The following PKNOX2 variants were observed in gnomAD, a reference collection of about 807,000 sequenced individuals.
PKNOX2 encodes homeobox protein PKNOX2.
In PKNOX2, 14 loss-of-function variants were observed where a neutral mutation model predicts 53.1. The ratio of observed to expected loss-of-function variants is 0.26; its 90% CI spans 0.17 to 0.41. The LOEUF is 0.41. PKNOX2 is among the 10% of genes least tolerant of loss of function. PKNOX2 has a pLI of 1.00. For missense variants in PKNOX2, 496 were observed against 602.8 expected, an observed-to-expected ratio of 0.82 and a Z score of 1.85; for synonymous variants, 257 against 242.8, an observed-to-expected ratio of 1.06 and a Z score of -0.54.
intron 2 of PKNOX2, among the ~76,000 whole-genome samples, chr11:125,265,830 G>T (rs934637593): frequency 1.3e-5 from 2 of 152,172 alleles, no homozygotes; most frequent in Non-Finnish European, 2.9e-5. Flanking sequence ...CCTGAAGGGG[G>T]GAGCTTAAAG....
chr11:125,187,835 T>A (rs1956551611), intron 1 of PKNOX2, among the ~76,000 whole-genome samples: 1 of 152,228 alleles, frequency 6.6e-6, no homozygotes, highest in African/African-American at 2.4e-5. Flanking sequence ...CCTAGCGGCC[T>A]GGGCCAGGTG....
intron 2 of PKNOX2, among the ~76,000 whole-genome samples, chr11:125,323,638 C>CTA (rs1329740367): frequency 6.6e-6 from 1 of 152,194 alleles, no homozygotes; most frequent in Non-Finnish European, 1.5e-5. Flanking sequence ...CTCTGCGTTC[C>CTA]TTAATAACGA....
At chr11:125,266,060 A>G (rs1460466263) in intron 2 of PKNOX2, among the ~76,000 whole-genome samples, 1 of 152,146 alleles carries the variant, frequency 6.6e-6, no homozygotes, top group Non-Finnish European at 1.5e-5. Flanking sequence ...CTTCACCCCT[A>G]TGCACACTTA....
At chr11:125,246,607 G>C (rs1262457761) in intron 2 of PKNOX2, among the ~76,000 whole-genome samples, 2 of 152,146 alleles carry the variant, frequency 1.3e-5, no homozygotes, top group African/African-American at 4.8e-5. Flanking sequence ...AATGTCTGCT[G>C]TCCCACTTCC....
chr11:125,276,388 G>A (rs1405144830), intron 2 of PKNOX2, among the ~76,000 whole-genome samples: 3 of 152,208 alleles, frequency 2.0e-5, no homozygotes, highest in African/African-American at 7.2e-5. Context: ...AGGATGATAT[G>A]GAGGTATGTT....
At chr11:125,258,077 C>T (rs1315124766) in intron 2 of PKNOX2, among the ~76,000 whole-genome samples, 2 of 152,170 alleles carry the variant, frequency 1.3e-5, no homozygotes, top group African/African-American at 2.4e-5. Flanking sequence ...CCCCTACTGC[C>T]TTATTGTCAG....
intron 1 of PKNOX2, among the ~76,000 whole-genome samples, chr11:125,178,585 G>GAAA (rs1955877925): frequency 3.0e-5 from 1 of 33,218 alleles, no homozygotes; most frequent in African/African-American, 1.8e-4. Flanking sequence ...AAGGAAGGAA[G>GAAA]GAAGGAAGGA....
chr11:125,213,886 GT>G (rs1335672839), intron 1 of PKNOX2, among the ~76,000 whole-genome samples: 3 of 152,110 alleles, frequency 2.0e-5, no homozygotes, highest in South Asian at 4.2e-4. Flanking sequence ...TATGTGGAAA[GT>G]AAAGACAAGG....
In PKNOX2 at chr11:125,368,687, G is replaced by A. The variant is rs113530898; in HGVS notation, c.227+702G>A. Among the ~76,000 whole-genome samples the A allele has an allele frequency of 6.2e-4, 95 of 152,316 alleles. 1 individual carries two copies. The highest frequency in any genetic ancestry group is 1.9e-3 in the African/African-American group (77 of 41,572). ...TCTTCTTGTTCTGCATCTGCCCCAC[G>A]CATCCAGGGCTGAGTCTTGAATGTT... is the stretch of plus-strand genomic sequence containing the variant. On this transcript the variant is annotated intron_variant, in intron 5 of 12. Transcript: ENST00000298282.
intron 5 of PKNOX2, among the ~76,000 whole-genome samples, chr11:125,374,244 A>G (rs1392920386): frequency 1.3e-5 from 2 of 152,118 alleles, no homozygotes; most frequent in Non-Finnish European, 2.9e-5. Context: ...TGTGGGAGAC[A>G]TGCAGCCATT....
chr11:125,279,847 A>T (rs562688069), intron 2 of PKNOX2, among the ~76,000 whole-genome samples: 5 of 152,320 alleles, frequency 3.3e-5, no homozygotes, highest in African/African-American at 9.6e-5. Flanking sequence ...ATACATTTCC[A>T]TGCAGCATTT....
intron 1 of PKNOX2, among the ~76,000 whole-genome samples, chr11:125,176,707 G>C (rs78510879): frequency 3.3e-5 from 5 of 152,156 alleles, no homozygotes; most frequent in Non-Finnish European, 7.3e-5. Context: ...TCTGGGGAGA[G>C]AGTTGACCAA....
intron 1 of PKNOX2, among the ~76,000 whole-genome samples, chr11:125,193,779 G>A (rs1009970405): frequency 2.6e-5 from 4 of 152,156 alleles, no homozygotes; most frequent in African/African-American, 4.8e-5. Context: ...GAGGCAGCAC[G>A]GTTGGGGGCA....
At chr11:125,188,951 G>A (rs897814025) in intron 1 of PKNOX2, among the ~76,000 whole-genome samples, 4 of 151,962 alleles carry the variant, frequency 2.6e-5, no homozygotes, top group Non-Finnish European at 5.9e-5. Context: ...GGTTTTCTGA[G>A]TCCCGTGCTG....
intron 2 of PKNOX2, among the ~76,000 whole-genome samples, chr11:125,280,551 G>A (rs1310678681): frequency 1.3e-5 from 2 of 152,214 alleles, no homozygotes; most frequent in Non-Finnish European, 2.9e-5. Flanking sequence ...AAGAGAATGG[G>A]GAGGTCTTCT....
At position 125,347,326 on chromosome 11, in the gene PKNOX2, G is replaced by T. The variant is rs560877471; in HGVS notation, c.-22-3958G>T. On this transcript the variant is annotated intron_variant, in intron 3 of 12. Coordinates refer to ENST00000298282, the MANE Select transcript of PKNOX2 (RefSeq NM_001382323.2). ...TTAGACTTTGTGTCTCATCCTTAAG[G>T]CCCTGAGCCCCCAACCCCGGCACAC... Among the ~76,000 whole-genome samples, 15 of 152,304 alleles carry T rather than the reference G, an allele frequency of 9.8e-5. 3 individuals carry two copies. The highest frequency in any genetic ancestry group is 3.6e-4 in the African/African-American group (15 of 41,560).
intron 2 of PKNOX2, among the ~76,000 whole-genome samples, chr11:125,330,621 A>G (rs993005308): frequency 3.3e-5 from 5 of 151,918 alleles, no homozygotes; most frequent in Non-Finnish European, 5.9e-5. Flanking sequence ...TGCCACCAGG[A>G]ATTCAAACCT....
intron 2 of PKNOX2, among the ~76,000 whole-genome samples, chr11:125,258,311 G>A (rs1200974971): frequency 1.3e-5 from 2 of 151,924 alleles, no homozygotes; most frequent in African/African-American, 2.4e-5. Context: ...ATTTGTTCTC[G>A]GTAGTAATCA....
intron 2 of PKNOX2, chr11:125,277,569 A>C (rs146536551): frequency 3.3e-5 from 5 of 152,348 alleles, no homozygotes; most frequent in African/African-American, 9.6e-5. Flanking sequence ...CTTCAGCAGC[A>C]AACAGACCAA....
Sources: gnomAD v4.1 joint callset for allele counts (sites outside exome capture counted in the v4.1 genomes callset) on GRCh38, gnomAD v4.1.1 for gene constraint, MANE v1.5 for transcripts, NCBI Gene and HGNC (gene_info 2026-07-23, HGNC 2026-07-21) for gene names.